RP1: variants seen among roughly 807,000 people sequenced by gnomAD.
RP1 encodes RP1 axonemal microtubule associated.
A neutral mutation model predicts 14.8 loss-of-function variants in RP1; 16 were observed. The ratio of observed to expected loss-of-function variants is 1.08; its 90% CI spans 0.73 to 1.65. The LOEUF is 1.65. Ranked by LOEUF, RP1 falls within the 40% of genes most tolerant of loss-of-function variation. The pLI is 0.00. For synonymous variants in RP1, 876 were observed against 883.6 expected (o/e 0.99, Z 0.15); for missense variants, 2,631 against 2,535.0 (o/e 1.04, Z -0.81).
chr8:54,720,656 T>A (rs1400001618), intron 16 of RP1, among the ~76,000 whole-genome samples: 3 of 152,212 alleles, frequency 2.0e-5, no homozygotes, highest in Admixed American at 6.5e-5. Context: ...TATTCTCAGA[T>A]TCATTGCTAT....
intron 15 of RP1, among the ~76,000 whole-genome samples, chr8:54,719,114 A>G (rs1808475747): frequency 1.3e-5 from 2 of 152,186 alleles, no homozygotes; most frequent in Non-Finnish European, 2.9e-5. Flanking sequence ...ATTGTTCAGC[A>G]TCATTAAGGT....
At chr8:54,619,106 C>T (rs558613755) in intron 1 of RP1, among the ~76,000 whole-genome samples, 9 of 152,354 alleles carry the variant, frequency 5.9e-5, no homozygotes, top group Admixed American at 4.6e-4. Context: ...CATTGCGAAG[C>T]TGGATTCCCC....
intron 22 of RP1, among the ~76,000 whole-genome samples, chr8:54,766,327 T>A (rs1809760178): frequency 6.6e-6 from 1 of 152,186 alleles, no homozygotes; most frequent in African/African-American, 2.4e-5. Flanking sequence ...ATAAAAATTA[T>A]CATGAGGCAG....
chr8:54,816,703 A>G (rs1316617108), intron 24 of RP1, among the ~76,000 whole-genome samples: 1 of 152,196 alleles, frequency 6.6e-6, no homozygotes, highest in Non-Finnish European at 1.5e-5. Context: ...TTTGCAGAAC[A>G]GTCAAGGAAA....
chr8:54,606,221 C>G (rs1369816978), intron 1 of RP1, among the ~76,000 whole-genome samples: 1 of 152,172 alleles, frequency 6.6e-6, no homozygotes, highest in African/African-American at 2.4e-5. Context: ...TTCAGGAGCT[C>G]TTTTAGGGCA....
exon 29 of RP1, chr8:54,870,568 G>A (rs1812566285): frequency 6.6e-6 from 1 of 152,192 alleles, no homozygotes; most frequent in Non-Finnish European, 1.5e-5. Flanking sequence ...GAGTCCTGCA[G>A]GCAGAGAGCA....
At chr8:54,618,292 C>T (rs569051630) in intron 1 of RP1, among the ~76,000 whole-genome samples, 2 of 152,254 alleles carry the variant, frequency 1.3e-5, no homozygotes, top group Admixed American at 1.3e-4. Context: ...ACAATGGCAG[C>T]TGCTTCTTTG....
chr8:54,789,039 G>C (rs892621812), intron 24 of RP1, among the ~76,000 whole-genome samples: 2 of 152,188 alleles, frequency 1.3e-5, no homozygotes, highest in African/African-American at 4.8e-5. Context: ...ATTTTGGGGT[G>C]CTTCATGGGA....
At chr8:54,660,582 G>T (rs2129328703) in intron 6 of RP1, among the ~76,000 whole-genome samples, 1 of 152,180 alleles carries the variant, frequency 6.6e-6, no homozygotes, top group South Asian at 2.1e-4. Context: ...CATGTAAAAT[G>T]CCATGAATTT....
chr8:54,801,624 C>T (rs76063883), intron 24 of RP1, among the ~76,000 whole-genome samples: 4,366 of 152,232 alleles, frequency 0.029, 121 homozygotes, highest in African/African-American at 0.064. Context: ...GACTCTTTCT[C>T]GGTGTTCACC....
Position 54,672,324 on chromosome 8 carries a change from C to T in RP1, c.1324-1526C>T, listed in dbSNP as rs1234149554. Among the ~76,000 whole-genome samples, 7 of 152,124 alleles carry T rather than the reference C, an allele frequency of 4.6e-5. No homozygotes were observed. The South Asian group carries it at 1.4e-3, about 32-fold the overall frequency. On this transcript the variant is annotated intron_variant, in intron 7 of 22. Coordinates refer to the RP1 transcript ENST00000636932. ...GTATGGTCCACTCTTTCGTTTCTGT[C>T]CTGAGGGAGGTTCTGGACTGTGGGT...
intron 19 of RP1, among the ~76,000 whole-genome samples, chr8:54,753,372 C>T (rs1309971398): frequency 1.3e-5 from 2 of 152,172 alleles, no homozygotes; most frequent in Non-Finnish European, 2.9e-5. Flanking sequence ...GGTTCCTTCC[C>T]TCAAGTCTGT....
At chr8:54,583,494 T>G (rs1418770809) in intron 1 of RP1, among the ~76,000 whole-genome samples, 1 of 152,222 alleles carries the variant, frequency 6.6e-6, no homozygotes, top group Non-Finnish European at 1.5e-5. Flanking sequence ...GGCTTTGGTA[T>G]CAGGATGATG....
chr8:54,559,492 T>G (rs13274575), intron 1 of RP1, among the ~76,000 whole-genome samples: 40,628 of 151,930 alleles, frequency 0.27, 6,109 homozygotes, highest in Middle Eastern at 0.42. Flanking sequence ...AAGCAAGCAG[T>G]GGAAGGCCTG....
chr8:54,777,166 G>A (rs1810062943), intron 23 of RP1, among the ~76,000 whole-genome samples: 1 of 152,158 alleles, frequency 6.6e-6, no homozygotes, highest in South Asian at 2.1e-4. Context: ...CTTGAACAGA[G>A]CCTAATATAT....
intron 24 of RP1, among the ~76,000 whole-genome samples, chr8:54,789,046 G>T (rs1285994229): frequency 6.6e-6 from 1 of 152,172 alleles, no homozygotes; most frequent in East Asian, 1.9e-4. Flanking sequence ...GGTGCTTCAT[G>T]GGAAACTCAC....
chr8:54,755,312 C>T (rs1585664481), intron 20 of RP1, among the ~76,000 whole-genome samples: 2 of 152,274 alleles, frequency 1.3e-5, no homozygotes, highest in South Asian at 2.1e-4. Flanking sequence ...ACCTTTACCA[C>T]TAAAATACTA....
intron 1 of RP1, among the ~76,000 whole-genome samples, chr8:54,579,796 GTTCC>G (rs1804739900): frequency 6.6e-6 from 1 of 152,146 alleles, no homozygotes; most frequent in Non-Finnish European, 1.5e-5. Flanking sequence ...CTGAGCCTAA[GTTCC>G]TTATTCCTTC....
chr8:54,707,965 G>A (rs1445009363), intron 15 of RP1, among the ~76,000 whole-genome samples: 1 of 152,186 alleles, frequency 6.6e-6, no homozygotes, highest in Non-Finnish European at 1.5e-5. Flanking sequence ...ATAAAAATGA[G>A]TAACATTATT....
Sources: gnomAD v4.1 joint callset for allele counts (sites outside exome capture counted in the v4.1 genomes callset) on GRCh38, gnomAD v4.1.1 for gene constraint, MANE v1.5 for transcripts, NCBI Gene and HGNC (gene_info 2026-07-23, HGNC 2026-07-21) for gene names.